MACROD2: variants seen among roughly 807,000 people sequenced by gnomAD.
MACROD2 encodes the protein ADP-ribose glycohydrolase MACROD2.
Under a neutral mutation model 70.4 loss-of-function variants are expected in MACROD2, and 36 were observed. The ratio of observed to expected loss-of-function variants is 0.51; its 90% CI spans 0.39 to 0.68. The LOEUF (loss-of-function observed/expected upper bound fraction) is 0.68. Among genes scored for constraint, MACROD2 ranks in the 30% least tolerant of loss-of-function variants. The pLI is 0.00. For synonymous variants in MACROD2, 172 were observed against 178.8 expected (o/e 0.96, Z 0.30); for missense variants, 496 against 538.4 (o/e 0.92, Z 0.78).
At chr20:15,572,676 ATAAG>A (rs1334427128) in intron 8 of MACROD2, among the ~76,000 whole-genome samples, 1 of 152,130 alleles carries the variant, frequency 6.6e-6, no homozygotes, top group Non-Finnish European at 1.5e-5. Flanking sequence ...TTAGTTTAAA[ATAAG>A]TATTTCGCAT....
chr20:15,650,406 C>T (rs1271105333), intron 8 of MACROD2, among the ~76,000 whole-genome samples: 1 of 152,172 alleles, frequency 6.6e-6, no homozygotes, highest in African/African-American at 2.4e-5. Flanking sequence ...TTTCTCCATA[C>T]TACCGCCTTT....
At position 14,464,775 on chromosome 20, in the gene MACROD2, C is replaced by T. The variant is rs28768201; in HGVS notation, c.272-28704C>T. 6.7e-3 allele frequency among the ~76,000 whole-genome samples: 1,014 copies of T among 152,044 alleles called. 23 individuals are homozygous for T. The highest frequency in any genetic ancestry group is 0.024 in the African/African-American group (990 of 41,408). On this transcript the variant is annotated intron_variant, in intron 3 of 17. Transcript: ENST00000684519. ...GTTTCAAAGAACATCTTTATTTCTG[C>T]CTTCATTTCGTTATGTACCCAGTAG...
intron 9 of MACROD2, among the ~76,000 whole-genome samples, chr20:15,883,238 ATCTC>A (rs1293248606): frequency 1.3e-5 from 2 of 151,992 alleles, no homozygotes; most frequent in Admixed American, 1.3e-4. Flanking sequence ...ACTCTTTTTT[ATCTC>A]TCTCTCTGAG....
chr20:15,332,656 C>T (rs1270531605), intron 6 of MACROD2, among the ~76,000 whole-genome samples: 2 of 151,420 alleles, frequency 1.3e-5, no homozygotes, highest in East Asian at 3.9e-4. Flanking sequence ...CGATATATGA[C>T]GTGAATATTG....
intron 3 of MACROD2, among the ~76,000 whole-genome samples, chr20:14,249,478 G>A (rs1051470975): frequency 2.6e-5 from 4 of 151,956 alleles, no homozygotes; most frequent in Admixed American, 6.6e-5. Context: ...GATAGGCTTC[G>A]TCTTGGTTCT....
chr20:15,053,348 G>A (rs1476489151), intron 5 of MACROD2, among the ~76,000 whole-genome samples: 3 of 152,198 alleles, frequency 2.0e-5, no homozygotes, highest in Non-Finnish European at 4.4e-5. Flanking sequence ...GCTTCAAAGG[G>A]CAGGCTGAGT....
chr20:15,858,037 C>G (rs1387881549), intron 8 of MACROD2, among the ~76,000 whole-genome samples: 2 of 151,994 alleles, frequency 1.3e-5, no homozygotes, highest in African/African-American at 4.8e-5. Context: ...GACTCCATCT[C>G]TAATGTATTT....
In MACROD2 at chr20:14,728,979, G is replaced by A. The variant is rs146521019; in HGVS notation, c.418+44020G>A. Among the ~76,000 whole-genome samples, 6 of 152,224 alleles carry A rather than the reference G, an allele frequency of 3.9e-5. No individual in the cohort carries two copies. The East Asian group carries it at 1.2e-3, about 29-fold the overall frequency. On this transcript the variant is annotated intron_variant, in intron 5 of 17. Coordinates refer to ENST00000684519, the MANE Select transcript of MACROD2 (RefSeq NM_001351661.2). ...ATTTAGGTTATATATTTAACACATA[G>A]TAATATGCCTGTGTTTACATCTTCC...
chr20:16,051,490 A>G lies in MACROD2; in HGVS notation c.*1614A>G, dbSNP rs540021579. On this transcript the variant is annotated 3_prime_UTR_variant, in exon 18 of 18. Transcript: ENST00000684519. ...CAGCATATGCACTATATTCTAACAA[A>G]TTTTTTTTAATAAAATCAAGACATC... 2 of 152,004 alleles carry G rather than the reference A, an allele frequency of 1.3e-5. No individual in the cohort carries two copies. Among genetic ancestry groups the G allele is most frequent in the East Asian group, 1.9e-4 (1 of 5,182 alleles). 9.4% of individuals were successfully genotyped at this position (152,004 alleles called of 1,614,324 possible). A position where few individuals can be genotyped will look rare whatever the true frequency, so the allele number is the denominator to read the frequency against.
chr20:14,897,574 C>T (rs1261489325), intron 5 of MACROD2, among the ~76,000 whole-genome samples: 1 of 151,914 alleles, frequency 6.6e-6, no homozygotes, highest in Admixed American at 6.6e-5. Context: ...TTAGTTAGTG[C>T]TTCATTTCAG....
At chr20:15,675,186 C>T (rs939151553) in intron 8 of MACROD2, among the ~76,000 whole-genome samples, 1 of 152,136 alleles carries the variant, frequency 6.6e-6, no homozygotes, top group African/African-American at 2.4e-5. Context: ...GAAGTTTTTG[C>T]CAATAAATTA....
chr20:15,675,708 C>T (rs983234196), intron 8 of MACROD2, among the ~76,000 whole-genome samples: 22 of 152,042 alleles, frequency 1.4e-4, no homozygotes, highest in Admixed American at 2.0e-4. Flanking sequence ...GACAGGTTTG[C>T]TAAAGGTTTG....
intron 6 of MACROD2, among the ~76,000 whole-genome samples, chr20:15,326,040 G>A (rs1425241129): frequency 2.6e-5 from 4 of 152,112 alleles, no homozygotes; most frequent in African/African-American, 7.2e-5. Flanking sequence ...AAAAAAGAAA[G>A]TATGTTTTCT....
intron 4 of MACROD2, among the ~76,000 whole-genome samples, chr20:14,503,809 C>T (rs1224943307): frequency 6.6e-6 from 1 of 152,222 alleles, no homozygotes; most frequent in Non-Finnish European, 1.5e-5. Flanking sequence ...CCTGCAGGGT[C>T]AGCTTTGCAG....
At chr20:15,454,065 T>C (rs2046681815) in intron 7 of MACROD2, among the ~76,000 whole-genome samples, 1 of 152,096 alleles carries the variant, frequency 6.6e-6, no homozygotes, top group Non-Finnish European at 1.5e-5. Flanking sequence ...AGCTAAACGG[T>C]TGGGAAGGTG....
chr20:15,643,230 T>C (rs749397558), intron 8 of MACROD2, among the ~76,000 whole-genome samples: 3 of 152,178 alleles, frequency 2.0e-5, no homozygotes, highest in Non-Finnish European at 4.4e-5. Flanking sequence ...CCCTCAACCT[T>C]GTTCCCCATG....
At chr20:15,080,897 C>T (rs909462255) in intron 5 of MACROD2, among the ~76,000 whole-genome samples, 3 of 152,042 alleles carry the variant, frequency 2.0e-5, no homozygotes, top group African/African-American at 4.8e-5. Flanking sequence ...TCTTCTTTCT[C>T]GCCTTTTCTC....
chr20:14,579,950 T>G (rs1424828991), intron 4 of MACROD2, among the ~76,000 whole-genome samples: 1 of 152,166 alleles, frequency 6.6e-6, no homozygotes, highest in Non-Finnish European at 1.5e-5. Flanking sequence ...ATGTTGCTAT[T>G]TAAGTGGAAT....
At chr20:15,034,030 C>T (rs373791427) in intron 5 of MACROD2, among the ~76,000 whole-genome samples, 11 of 152,076 alleles carry the variant, frequency 7.2e-5, no homozygotes, top group African/African-American at 2.4e-4. Context: ...GGTTTGCAAA[C>T]GAAATCTGGC....
Sources: gnomAD v4.1 joint callset for allele counts (sites outside exome capture counted in the v4.1 genomes callset) on GRCh38, gnomAD v4.1.1 for gene constraint, MANE v1.5 for transcripts, NCBI Gene and HGNC (gene_info 2026-07-23, HGNC 2026-07-21) for gene names.